ILDR2: variants seen among roughly 807,000 people sequenced by gnomAD.
ILDR2 encodes the protein immunoglobulin-like domain-containing receptor 2.
A neutral mutation model predicts 66.8 loss-of-function variants in ILDR2; 25 were observed. That is an observed-to-expected ratio of 0.37 (90% CI 0.27 to 0.52). The LOEUF is 0.52. ILDR2 is among the 20% of genes least tolerant of loss of function. The probability of loss-of-function intolerance (pLI) is 0.88; values close to 1 mark genes in which losing one functional copy is unlikely to be tolerated. For missense variants in ILDR2, 827 were observed against 876.8 expected, an observed-to-expected ratio of 0.94 and a Z score of 0.72; for synonymous variants, 367 against 357.2, an observed-to-expected ratio of 1.03 and a Z score of -0.31.
At chr1:166,956,213 A>G (rs189433062) in intron 3 of ILDR2, among the ~76,000 whole-genome samples, 1 of 152,324 alleles carries the variant, frequency 6.6e-6, no homozygotes, top group East Asian at 1.9e-4. Flanking sequence ...ACACTAGTAC[A>G]TCTCCCAAGC....
chr1:166,965,522 T>C, intron 1 of ILDR2, among the ~76,000 whole-genome samples: 1 of 151,814 alleles, frequency 6.6e-6, no homozygotes, highest in East Asian at 1.9e-4. Flanking sequence ...AGATTAGCAA[T>C]GCCCAACCTG....
At position 166,935,700 on chromosome 1, in the gene ILDR2, T is replaced by C. The variant is rs114785454; in HGVS notation, c.704-223A>G. Among the ~76,000 whole-genome samples, 609 of 152,270 alleles carry C rather than the reference T, an allele frequency of 4.0e-3. 1 individual carries two copies. The highest frequency in any genetic ancestry group is 6.6e-3 in the South Asian group (32 of 4,814). On this transcript the variant is annotated intron_variant, in intron 5 of 9. Transcript: ENST00000271417. ...ACGGCAACGACAAAAGGAATTACAATGTTTAGTACCTGGCAACTAAATAAT... is the reference window on the plus strand; with the variant it reads ...ACGGCAACGACAAAAGGAATTACAACGTTTAGTACCTGGCAACTAAATAAT...
chr1:166,974,989 C>A (rs1663507396), intron 1 of ILDR2, among the ~76,000 whole-genome samples: 1 of 151,882 alleles, frequency 6.6e-6, no homozygotes, highest in Non-Finnish European at 1.5e-5. Flanking sequence ...TCTCACTTGT[C>A]ATTGGGCTTC....
intron 3 of ILDR2, among the ~76,000 whole-genome samples, chr1:166,948,025 T>G (rs1398772608): frequency 6.6e-6 from 1 of 152,116 alleles, no homozygotes; most frequent in African/African-American, 2.4e-5. Flanking sequence ...AGAAAACAAC[T>G]ATTACGTCAA....
At chr1:166,957,743 T>C in intron 2 of ILDR2, 26 bp downstream of exon 2, 1 of 1,571,842 alleles carries the variant, frequency 6.4e-7, no homozygotes, top group Non-Finnish European at 8.7e-7. Context: ...TCCCATTTCC[T>C]AGATTCAAAA....
chr1:166,919,141 T>C lies in ILDR2; in HGVS notation c.*214A>G, dbSNP rs1659753262. On this transcript the variant is annotated 3_prime_UTR_variant, in exon 10 of 10. Coordinates refer to ENST00000271417, the MANE Select transcript of ILDR2 (RefSeq NM_199351.3). ...TAGGAATGTTCTCACACATTCTTGCTTTCTTGGTAAGCTTCTCAAACTAGT... is the reference window on the plus strand; with the variant it reads ...TAGGAATGTTCTCACACATTCTTGCCTTCTTGGTAAGCTTCTCAAACTAGT... 1.8e-6 allele frequency: 1 copy of C among 547,022 alleles called. No individual in the cohort carries two copies. Among genetic ancestry groups the C allele is most frequent in the South Asian group, 2.6e-5 (1 of 38,326 alleles). The allele number at this position is 547,022 out of a possible 1,614,324, so 33.9% of individuals were successfully genotyped here.
chr1:166,895,950 C>T (rs1469924530), exon 3 of ILDR2: 1 of 152,184 alleles, frequency 6.6e-6, no homozygotes, highest in East Asian at 1.9e-4. Flanking sequence ...AAGCATACTC[C>T]ATTCTTCTCG....
intron 4 of ILDR2, among the ~76,000 whole-genome samples, chr1:166,938,266 C>A (rs1436918916): frequency 2.0e-5 from 3 of 152,164 alleles, no homozygotes; most frequent in Admixed American, 6.5e-5. Context: ...GTGGTGGCTA[C>A]AACTTGGGTC....
In ILDR2 at chr1:166,920,703, T is replaced by G; in HGVS notation, c.1884+4A>C. The G allele has an allele frequency of 7.1e-7, 1 of 1,398,722 alleles. No homozygotes were observed. The allele number at this position is 1,398,722 out of a possible 1,614,324, so 86.6% of individuals were successfully genotyped here. On this transcript the variant is annotated splice_donor_region_variant and intron_variant, in intron 9 of 9. Transcript: ENST00000271417. Reference sequence around the variant, plus strand: ...CGGAGGAGGGGAGGCAGACGCAGTCTCACGGTTTTCTTGGCGGGCTCCTTT... The same window carrying G: ...CGGAGGAGGGGAGGCAGACGCAGTCGCACGGTTTTCTTGGCGGGCTCCTTT...
Position 166,909,760 on chromosome 1 carries a change from A to ATATATATATATAT in ILDR2, c.*9594_*9595insATATATATATATA, listed in dbSNP as rs1557921285. The ATATATATATATAT allele has an allele frequency of 1.6e-5, 1 of 62,742 alleles. No homozygotes were observed. Among genetic ancestry groups the ATATATATATATAT allele is most frequent in the African/African-American group, 8.1e-5 (1 of 12,356 alleles). 3.9% of individuals were successfully genotyped at this position (62,742 alleles called of 1,614,324 possible). Reference sequence around the variant, plus strand: ...ACATATATATATATATATATATATAAATATATATAAATATATATATTTATA... The same window carrying ATATATATATATAT: ...ACATATATATATATATATATATATAATATATATATATATATATATATAAATATATATATTTATA... On this transcript the variant is annotated 3_prime_UTR_variant, in exon 10 of 10. Transcript: ENST00000271417.
intron 8 of ILDR2, among the ~76,000 whole-genome samples, chr1:166,922,215 C>G (rs1659991272): frequency 6.6e-6 from 1 of 151,768 alleles, no homozygotes; most frequent in South Asian, 2.1e-4. Context: ...CTCAGGAGTT[C>G]AAGACCAGTC....
At chr1:166,975,147 G>A in intron 1 of ILDR2, 76 bp downstream of exon 1, 1 of 1,261,910 alleles carries the variant, frequency 7.9e-7, no homozygotes, top group South Asian at 1.2e-5. Flanking sequence ...AAAATGGGGG[G>A]GCGGGGGGCG....
chr1:166,939,845 T>G (rs1432082642), intron 3 of ILDR2, among the ~76,000 whole-genome samples: 3 of 152,222 alleles, frequency 2.0e-5, no homozygotes, highest in South Asian at 4.1e-4. Flanking sequence ...AAATCTCTGC[T>G]TGAGCAGACT....
chr1:166,970,505 A>G (rs1169164400), intron 1 of ILDR2, among the ~76,000 whole-genome samples: 2 of 152,180 alleles, frequency 1.3e-5, no homozygotes, highest in Non-Finnish European at 1.5e-5. Flanking sequence ...ACCTTGCTCA[A>G]TATTTAAGAC....
chr1:166,933,414 A>C (rs967762455), intron 6 of ILDR2: 9 of 205,624 alleles, frequency 4.4e-5, no homozygotes, highest in African/African-American at 2.1e-4. Flanking sequence ...TGCTCAGGAT[A>C]ACAGAAGAAA....
rs1445274791 is a variant in ILDR2, at chr1:166,910,374, T to C, written c.*8981A>G. 2 of 152,172 alleles carry C rather than the reference T, an allele frequency of 1.3e-5. No homozygotes were observed. Among genetic ancestry groups the C allele is most frequent in the East Asian group, 3.8e-4 (2 of 5,200 alleles). 9.4% of individuals were successfully genotyped at this position (152,172 alleles called of 1,614,324 possible). A position where few individuals can be genotyped will look rare whatever the true frequency, so the allele number is the denominator to read the frequency against. ...AAAGTGTAAGAAAAACATATCACTT[T>C]TAAAGAAAAAATTCCTAATGCACTT... On this transcript the variant is annotated 3_prime_UTR_variant, in exon 10 of 10. Coordinates refer to ENST00000271417, the MANE Select transcript of ILDR2 (RefSeq NM_199351.3).
intron 4 of ILDR2, 109 bp downstream of exon 4, chr1:166,939,403 CAT>C: frequency 1.2e-6 from 1 of 862,602 alleles, no homozygotes; most frequent in South Asian, 1.4e-5. Flanking sequence ...AGATCAGAGA[CAT>C]ATAGACAAAT....
rs1391408798 is a variant in ILDR2, at chr1:166,956,830, C to A, written c.402G>T (p.Lys134Asn). The A allele has an allele frequency of 6.2e-7, 1 of 1,613,792 alleles. No individual in the cohort carries two copies. ...AGAGTCCGCTGTCTCCCCACATAAG[C>A]TTTCCAATTTGAAGATCTGCATCTG... ...IVHDADLQIGKLMWGDSGLYY... is the reference protein window; with the variant it reads ...IVHDADLQIGNLMWGDSGLYY... Residue 134 changes from lysine (K) to asparagine (N), a missense_variant, in exon 3 of 10, where the codon AAG (lysine) becomes AAT (asparagine). Coordinates refer to ENST00000271417, the MANE Select transcript of ILDR2 (RefSeq NM_199351.3).
intron 1 of ILDR2, among the ~76,000 whole-genome samples, chr1:166,968,937 C>A (rs1430791556): frequency 6.6e-6 from 1 of 152,092 alleles, no homozygotes; most frequent in Non-Finnish European, 1.5e-5. Context: ...ATGTTGTAAG[C>A]TATTGAGATT....
Sources: gnomAD v4.1 joint callset for allele counts (sites outside exome capture counted in the v4.1 genomes callset) on GRCh38, gnomAD v4.1.1 for gene constraint, MANE v1.5 for transcripts, NCBI Gene and HGNC (gene_info 2026-07-23, HGNC 2026-07-21) for gene names.